The following GLRA2 variants were observed in gnomAD, a reference collection of about 807,000 sequenced individuals.
The protein encoded by GLRA2 is glycine receptor subunit alpha-2.
A neutral mutation model predicts 31.6 loss-of-function variants in GLRA2; 11 were observed. That is an observed-to-expected ratio of 0.35 (90% confidence interval 0.22 to 0.58). GLRA2 has a LOEUF of 0.58. GLRA2 is among the 20% of genes least tolerant of loss of function. The pLI is 0.84. For missense variants in GLRA2, 212 were observed against 351.8 expected (o/e 0.60, Z 3.18); for synonymous variants, 132 against 134.0 (o/e 0.99, Z 0.10).
At chrX:14,537,973 T>C (rs935879343) in intron 2 of GLRA2, among the ~76,000 whole-genome samples, 2 of 107,450 alleles carry the variant, frequency 1.9e-5, no homozygotes, top group Admixed American at 9.8e-5. Flanking sequence ...TCATACAGCT[T>C]TTGTGTGCTG....
chrX:14,712,374 A>G (rs2091723935), intron 8 of GLRA2, among the ~76,000 whole-genome samples: 1 of 111,995 alleles, frequency 8.9e-6, no homozygotes, highest in African/African-American at 3.3e-5. Flanking sequence ...AAATGACCCT[A>G]GTTGAGAATC....
chrX:14,653,623 C>T (rs765034015), intron 7 of GLRA2, among the ~76,000 whole-genome samples: 2 of 112,541 alleles, frequency 1.8e-5, no homozygotes, highest in South Asian at 7.3e-4. Context: ...GGTGAAGATA[C>T]TGTGAACATT....
chrX:14,624,169 T>G (rs2090558833), intron 7 of GLRA2, among the ~76,000 whole-genome samples: 1 of 111,938 alleles, frequency 8.9e-6, no homozygotes, highest in Non-Finnish European at 1.9e-5. Flanking sequence ...GATGGTAGTT[T>G]GTATTTCTGT....
chrX:14,498,590 A>G, the GLRA2 span, among the ~76,000 whole-genome samples: 6 of 111,373 alleles, frequency 5.4e-5, no homozygotes, highest in African/African-American at 1.6e-4. Flanking sequence ...CTGTCACCTT[A>G]AATACTTTTC....
chrX:14,529,953 T>G lies in GLRA2; in HGVS notation c.-105T>G. 1 of 637,489 alleles carries G rather than the reference T, an allele frequency of 1.6e-6. No individual in the cohort carries two copies. The highest frequency in any genetic ancestry group is 3.3e-5 in the East Asian group (1 of 30,488). The allele number at this position is 637,489 out of a possible 1,213,427, so 52.5% of individuals were successfully genotyped here. On this transcript the variant is annotated 5_prime_UTR_variant, in exon 1 of 9. Coordinates refer to ENST00000218075, the MANE Select transcript of GLRA2 (RefSeq NM_002063.4). ...ATCTCTTTTTGATTTTCAAGGAAACTAGGTTCCTGCCAAATTTTGAATCTG... is the reference window on the plus strand; with the variant it reads ...ATCTCTTTTTGATTTTCAAGGAAACGAGGTTCCTGCCAAATTTTGAATCTG...
At chrX:14,496,514 G>C in the GLRA2 span, among the ~76,000 whole-genome samples, 3 of 111,827 alleles carry the variant, frequency 2.7e-5, no homozygotes, top group South Asian at 1.1e-3. Context: ...TGTTATTACT[G>C]TAGTTGTCTT....
chrX:14,469,900 C>T, the GLRA2 span, among the ~76,000 whole-genome samples: 6 of 110,332 alleles, frequency 5.4e-5, no homozygotes, highest in East Asian at 1.4e-3. Context: ...GCTTTTTTAA[C>T]TCAATGAAAT....
chrX:14,500,600 G>T, the GLRA2 span, among the ~76,000 whole-genome samples: 1 of 112,094 alleles, frequency 8.9e-6, no homozygotes, highest in African/African-American at 3.2e-5. Flanking sequence ...TGGTGGGGAA[G>T]CTAGTTGTCC....
At chrX:14,481,676 C>G in the GLRA2 span, among the ~76,000 whole-genome samples, 1 of 111,625 alleles carries the variant, frequency 9.0e-6, no homozygotes, top group Non-Finnish European at 1.9e-5. Flanking sequence ...ATATGTTTAT[C>G]TGGAGTTTTC....
chrX:14,521,396 TCTC>T, the GLRA2 span, among the ~76,000 whole-genome samples: 3 of 111,754 alleles, frequency 2.7e-5, no homozygotes, highest in Non-Finnish European at 5.6e-5. Flanking sequence ...AGGACACACT[TCTC>T]CTTTCATTGA....
chrX:14,640,029 C>T lies in GLRA2; in HGVS notation c.930+30824C>T, dbSNP rs2090756234. On this transcript the variant is annotated intron_variant, in intron 7 of 8. Coordinates refer to ENST00000218075, the MANE Select transcript of GLRA2 (RefSeq NM_002063.4). ...TTGCAACTCTGTTCCTATGCCATTG[C>T]ATGGTTTCTCCTTCTTTGCATTGTC... 2.7e-5 allele frequency among the ~76,000 whole-genome samples: 3 copies of T among 112,184 alleles called. No individual in the cohort carries two copies. The South Asian group carries it at 1.1e-3, about 41-fold the overall frequency.
chrX:14,511,890 G>T, the GLRA2 span, among the ~76,000 whole-genome samples: 1 of 111,748 alleles, frequency 8.9e-6, no homozygotes, highest in Non-Finnish European at 1.9e-5. Flanking sequence ...CTACTAAACT[G>T]GGGCTCAGAG....
In GLRA2 at chrX:14,530,063, C is replaced by A; in HGVS notation, c.6C>A (p.Asn2Lys). 1.7e-6 allele frequency: 2 copies of A among 1,197,445 alleles called. No homozygotes were observed. The highest frequency in any genetic ancestry group is 2.3e-4 in the Middle Eastern group (1 of 4,324). M[N>K]RQLVNILTAL... is the part of the protein sequence containing the mutation. The stretch of plus-strand genomic sequence containing the variant: ...CAAGCAACACAGAAACAGGAATGAA[C>A]CGGCAGCTAGTGAACATTTTGACAG... Residue 2 changes from asparagine (N) to lysine (K), a missense_variant, in exon 1 of 9, where the codon AAC becomes AAA. Physicochemically the swap from Asn to Lys is moderately conservative, Grantham distance 94. This residue lies in a region of GLRA2 where 33 missense variants were observed against 27.7 expected (regional missense o/e 1.19). Transcript: ENST00000218075.
chrX:14,605,797 C>T (rs189681048), intron 5 of GLRA2, among the ~76,000 whole-genome samples: 1 of 111,248 alleles, frequency 9.0e-6, no homozygotes. Context: ...TGCTGTCTTC[C>T]CCATGCTGGG....
chrX:14,699,385 C>G (rs2091503076), intron 8 of GLRA2, among the ~76,000 whole-genome samples: 1 of 112,233 alleles, frequency 8.9e-6, no homozygotes, highest in African/African-American at 3.2e-5. Flanking sequence ...TGCTTGAGAA[C>G]ATGGTTATGG....
chrX:14,641,162 A>G (rs2090767815), intron 7 of GLRA2, among the ~76,000 whole-genome samples: 1 of 111,615 alleles, frequency 9.0e-6, no homozygotes, highest in Non-Finnish European at 1.9e-5. Flanking sequence ...CTCAGTAGCC[A>G]TTTAGTTGTC....
chrX:14,558,799 G>A (rs754565596), intron 2 of GLRA2, among the ~76,000 whole-genome samples: 34 of 110,931 alleles, frequency 3.1e-4, no homozygotes, highest in African/African-American at 1.1e-3. Flanking sequence ...AGCTACCTTA[G>A]GTGTTAATTA....
rs768365501 is a variant in GLRA2, at chrX:14,532,220, G to C, written c.69-19G>C. On this transcript the variant is annotated intron_variant, in intron 1 of 8. Coordinates refer to ENST00000218075, the MANE Select transcript of GLRA2 (RefSeq NM_002063.4). Reference sequence around the variant, plus strand: ...GATGCAAATGAAATTGTTGCTAAAAGAGTTAATGATGTGTTTAGGACGGCT... The same window carrying C: ...GATGCAAATGAAATTGTTGCTAAAACAGTTAATGATGTGTTTAGGACGGCT... 32 of 1,087,246 alleles carry C rather than the reference G, an allele frequency of 2.9e-5. No homozygotes were observed. The South Asian group carries it at 7.9e-4, about 27-fold the overall frequency. The allele number at this position is 1,087,246 out of a possible 1,213,427, so 89.6% of individuals were successfully genotyped here.
chrX:14,506,714 T>C, the GLRA2 span, among the ~76,000 whole-genome samples: 4 of 111,842 alleles, frequency 3.6e-5, no homozygotes, highest in African/African-American at 1.3e-4. Flanking sequence ...GCCAAGTCCT[T>C]GAATTTGACA....
Sources: allele counts gnomAD v4.1 joint callset (sites outside exome capture counted in the v4.1 genomes callset), GRCh38; gene constraint gnomAD v4.1.1; regional missense constraint gnomAD v4.1.1; transcripts MANE v1.5; gene names NCBI Gene and HGNC (gene_info 2026-07-23, HGNC 2026-07-21).